HSPA14: variants seen among roughly 807,000 people sequenced by gnomAD.
HSPA14 encodes heat shock 70 kDa protein 14.
A neutral mutation model predicts 65.5 loss-of-function variants in HSPA14; 37 were observed. That is an observed-to-expected ratio of 0.56 (90% CI 0.43 to 0.74). The LOEUF is 0.74. Among genes scored for constraint, HSPA14 ranks in the 30% least tolerant of loss-of-function variants. The pLI, the probability that HSPA14 is intolerant of heterozygous loss-of-function variation, is 0.00. For synonymous variants in HSPA14, 203 were observed against 214.2 expected, an observed-to-expected ratio of 0.95 and a Z score of 0.46; for missense variants, 564 against 607.6, an observed-to-expected ratio of 0.93 and a Z score of 0.75.
intron 10 of HSPA14, among the ~76,000 whole-genome samples, chr10:14,858,295 C>G (rs1233024329): frequency 6.6e-6 from 1 of 152,206 alleles, no homozygotes; most frequent in Non-Finnish European, 1.5e-5. Context: ...TTCATTATCT[C>G]TCACAGTCCA....
At position 14,867,715 on chromosome 10, in the gene HSPA14, AC is replaced by A; in HGVS notation, c.1207-19del. The A allele has an allele frequency of 6.2e-7, 1 of 1,603,344 alleles. No homozygotes were observed. The highest frequency in any genetic ancestry group is 8.5e-7 in the Non-Finnish European group (1 of 1,176,092). On this transcript the variant is annotated intron_variant, in intron 11 of 13. Coordinates refer to ENST00000378372, the MANE Select transcript of HSPA14 (RefSeq NM_016299.4). ...TAAAGATAAATACCAAAGAGTATGC[AC>A]CTTGTTTCCTGCTAACTAGGGTGTG...
intron 10 of HSPA14, among the ~76,000 whole-genome samples, chr10:14,858,696 G>C (rs904568708): frequency 6.6e-6 from 1 of 152,210 alleles, no homozygotes; most frequent in Non-Finnish European, 1.5e-5. Context: ...GTGGGAGTGA[G>C]TGGGATGGGT....
intron 10 of HSPA14, among the ~76,000 whole-genome samples, chr10:14,859,279 CG>C (rs58292203): frequency 6.6e-6 from 1 of 152,294 alleles, no homozygotes; most frequent in East Asian, 1.9e-4. Context: ...CCACTCCACA[CG>C]TGTGCTTTCC....
intron 10 of HSPA14, among the ~76,000 whole-genome samples, chr10:14,864,426 C>T (rs1431597158): frequency 6.6e-6 from 1 of 151,746 alleles, no homozygotes; most frequent in African/African-American, 2.4e-5. Flanking sequence ...TGGTGTGCTC[C>T]ACCCATTAAC....
intron 10 of HSPA14, among the ~76,000 whole-genome samples, chr10:14,865,940 T>C (rs1164270756): frequency 1.3e-5 from 2 of 152,198 alleles, no homozygotes; most frequent in Non-Finnish European, 2.9e-5. Flanking sequence ...ATTCTTCCTA[T>C]CCATGAGCAT....
chr10:14,842,262 C>G lies in HSPA14; in HGVS notation c.221+2105C>G, dbSNP rs966265312. 7 of 1,534,938 alleles carry G rather than the reference C, an allele frequency of 4.6e-6. No homozygotes were observed. Among genetic ancestry groups the G allele is most frequent in the Non-Finnish European group, 5.2e-6 (6 of 1,146,078 alleles). On this transcript the variant is annotated intron_variant, in intron 3 of 13. Coordinates refer to ENST00000378372, the MANE Select transcript of HSPA14 (RefSeq NM_016299.4). This position sits in a 1 kb window ranked among gnomAD's most constrained non-coding sequence, Gnocchi z 5.2. ...TTGCACCTTGCTGTCCAGAAGCTGC[C>G]TAGCCCTCCTTTCCAACCCACAATG...
At chr10:14,862,437 C>T (rs1389321268) in intron 10 of HSPA14, among the ~76,000 whole-genome samples, 4 of 148,450 alleles carry the variant, frequency 2.7e-5, no homozygotes, top group Non-Finnish European at 3.0e-5. Flanking sequence ...TGCAGTGACA[C>T]GATCTCAGCT....
At position 14,862,638 on chromosome 10, in the gene HSPA14, G is replaced by T. The variant is rs113028264; in HGVS notation, c.994-4445G>T. ...AATCCGCCCACCTCGGCCTCCCAAA[G>T]TATTGGGATTGCAGGCATGAGCCAC... is the stretch of plus-strand genomic sequence containing the variant. On this transcript the variant is annotated intron_variant, in intron 10 of 13. Transcript: ENST00000378372. Among the ~76,000 whole-genome samples, 882 of 152,128 alleles carry T rather than the reference G, an allele frequency of 5.8e-3. 11 individuals are homozygous for T. The highest frequency in any genetic ancestry group is 0.02 in the African/African-American group (811 of 41,516).
chr10:14,865,146 T>G (rs886864771), intron 10 of HSPA14, among the ~76,000 whole-genome samples: 1 of 152,260 alleles, frequency 6.6e-6, no homozygotes, highest in African/African-American at 2.4e-5. Context: ...GTTCATATCC[T>G]TCGCCCACTT....
intron 13 of HSPA14, 66 bp from the exon 14 acceptor site, chr10:14,871,462 T>A: frequency 1.1e-6 from 1 of 911,896 alleles, no homozygotes; most frequent in Admixed American, 2.3e-5. Flanking sequence ...TCAAGTAACT[T>A]GTTACAGACT....
chr10:14,853,567 C>T (rs1189456443), intron 8 of HSPA14, among the ~76,000 whole-genome samples: 1 of 152,122 alleles, frequency 6.6e-6, no homozygotes, highest in African/African-American at 2.4e-5. Flanking sequence ...TTCATGGTTA[C>T]ATAATGTAGC....
At chr10:14,846,392 G>T (rs1236178824) in intron 3 of HSPA14, 1 of 985,256 alleles carries the variant, frequency 1.0e-6, no homozygotes, top group Non-Finnish European at 1.2e-6. Flanking sequence ...TTTGGATGTG[G>T]TATTGTGAAA....
Position 14,867,075 on chromosome 10 carries a change from T to A in HSPA14, c.994-8T>A. 2 of 1,594,006 alleles carry A rather than the reference T, an allele frequency of 1.3e-6. No homozygotes were observed. Among genetic ancestry groups the A allele is most frequent in the Non-Finnish European group, 1.7e-6 (2 of 1,163,688 alleles). ...AGTAAACAACTGAAAATTATTTTTA[T>A]TCTCTAGGTTGTCCTTTGTGGAGGG... On this transcript the variant is annotated splice_polypyrimidine_tract_variant and splice_region_variant and intron_variant, in intron 10 of 13. Coordinates refer to ENST00000378372, the MANE Select transcript of HSPA14 (RefSeq NM_016299.4).
At chr10:14,845,128 GAC>G (rs1488289509) in intron 3 of HSPA14, 2 of 985,288 alleles carry the variant, frequency 2.0e-6, no homozygotes, top group African/African-American at 3.5e-5. Flanking sequence ...CCACACCCCA[GAC>G]ACACACTGGG....
chr10:14,846,967 G>C (rs111268149), intron 3 of HSPA14: 6 of 985,188 alleles, frequency 6.1e-6, no homozygotes, highest in Non-Finnish European at 7.2e-6. Context: ...CGGTAATCCT[G>C]GTGTGGACAA....
intron 7 of HSPA14, among the ~76,000 whole-genome samples, chr10:14,851,782 A>G (rs1025776181): frequency 6.6e-6 from 1 of 152,262 alleles, no homozygotes; most frequent in Admixed American, 6.5e-5. Flanking sequence ...ATATGTCTTA[A>G]TAGAATGGAT....
At chr10:14,853,880 C>T (rs999865893) in intron 8 of HSPA14, among the ~76,000 whole-genome samples, 1 of 152,082 alleles carries the variant, frequency 6.6e-6, no homozygotes, top group Non-Finnish European at 1.5e-5. Flanking sequence ...CCACCACACC[C>T]AGCTAATTTT....
rs183994355 is a variant in HSPA14 at position 14,869,251 on chromosome 10, G to C, written c.1380+1342G>C. Among the ~76,000 whole-genome samples, 636 of 151,638 alleles carry C rather than the reference G, an allele frequency of 4.2e-3. 3 individuals are homozygous for C. Among genetic ancestry groups the C allele is most frequent in the Non-Finnish European group, 4.6e-3 (314 of 67,924 alleles). ...CGTGTACGTGTGTGTGTGTGTGTGT[G>C]TGTGTGTGTGTGTAAAGAGATACAT... On this transcript the variant is annotated intron_variant, in intron 12 of 13. Coordinates refer to ENST00000378372, the MANE Select transcript of HSPA14 (RefSeq NM_016299.4).
intron 6 of HSPA14, chr10:14,850,779 GA>G (rs1834102632): frequency 6.5e-6 from 1 of 153,130 alleles, no homozygotes; most frequent in Admixed American, 6.5e-5. Flanking sequence ...AGATAAATAA[GA>G]CATGGTTTCT....
Sources: gnomAD v4.1 joint callset for allele counts (sites outside exome capture counted in the v4.1 genomes callset) on GRCh38, gnomAD v4.1.1 for gene constraint, Gnocchi (gnomAD v3.1) non-coding constraint, MANE v1.5 for transcripts, NCBI Gene and HGNC (gene_info 2026-07-23, HGNC 2026-07-21) for gene names.